MYRIP: variants seen among roughly 807,000 people sequenced by gnomAD.
The protein encoded by MYRIP is myosin VIIA and Rab interacting protein.
A neutral mutation model predicts 98.0 loss-of-function variants in MYRIP; 49 were observed. The observed-to-expected ratio is 0.50, with a 90% CI of 0.40 to 0.63. The LOEUF (loss-of-function observed/expected upper bound fraction) is 0.63, where lower values mean the gene tolerates loss of function less well. MYRIP is among the 30% of genes least tolerant of loss of function. MYRIP has a pLI of 0.00. For synonymous variants in MYRIP, 404 were observed against 409.5 expected (o/e 0.99, Z 0.16); for missense variants, 1,004 against 1,058.2 (o/e 0.95, Z 0.71).
At chr3:40,229,323 G>A (rs1484770777) in intron 11 of MYRIP, among the ~76,000 whole-genome samples, 1 of 152,058 alleles carries the variant, frequency 6.6e-6, no homozygotes, top group African/African-American at 2.4e-5. Context: ...TGGGTCCTGA[G>A]ACAAAAAAAT....
chr3:40,196,701 T>C (rs2125639889), intron 10 of MYRIP, among the ~76,000 whole-genome samples: 1 of 152,218 alleles, frequency 6.6e-6, no homozygotes, highest in East Asian at 1.9e-4. Flanking sequence ...AAACTGCATG[T>C]GTATGTATGC....
chr3:40,164,159 C>A (rs2125591535), intron 5 of MYRIP, among the ~76,000 whole-genome samples: 1 of 152,276 alleles, frequency 6.6e-6, no homozygotes, highest in African/African-American at 2.4e-5. Context: ...CTCATTTCCC[C>A]ACAGCTACCC....
At chr3:40,017,955 T>C (rs1946905946) in intron 2 of MYRIP, among the ~76,000 whole-genome samples, 1 of 152,194 alleles carries the variant, frequency 6.6e-6, no homozygotes, top group African/African-American at 2.4e-5. Flanking sequence ...TGCATTTTCA[T>C]TGTGAACAGG....
chr3:39,863,883 A>G (rs1942544778), intron 1 of MYRIP, among the ~76,000 whole-genome samples: 1 of 152,092 alleles, frequency 6.6e-6, no homozygotes, highest in Non-Finnish European at 1.5e-5. Flanking sequence ...TGATGATCAT[A>G]GATGCAAAAA....
chr3:40,078,065 C>T (rs1948390444), intron 3 of MYRIP, among the ~76,000 whole-genome samples: 1 of 152,262 alleles, frequency 6.6e-6, no homozygotes, highest in Non-Finnish European at 1.5e-5. Flanking sequence ...GTCCCGAGCC[C>T]TGCCCCGCGG....
At chr3:40,098,235 A>C (rs1434691257) in intron 3 of MYRIP, among the ~76,000 whole-genome samples, 1 of 152,152 alleles carries the variant, frequency 6.6e-6, no homozygotes, top group Non-Finnish European at 1.5e-5. Context: ...ATTTCTTTCC[A>C]TTTTTTAAGA....
chr3:40,115,875 G>A (rs1175078835), intron 3 of MYRIP, among the ~76,000 whole-genome samples: 2 of 151,758 alleles, frequency 1.3e-5, no homozygotes, highest in Non-Finnish European at 2.9e-5. Context: ...TCTCCAAGTG[G>A]GCTTCCGTAA....
In MYRIP at chr3:40,014,813, T is replaced by A. The variant is rs556692469; in HGVS notation, c.111-29237T>A. Among the ~76,000 whole-genome samples, 23 of 152,292 alleles carry A rather than the reference T, an allele frequency of 1.5e-4. No individual in the cohort carries two copies. The South Asian group carries it at 1.9e-3, about 12-fold the overall frequency. On this transcript the variant is annotated intron_variant, in intron 2 of 16. Transcript: ENST00000302541. The stretch of plus-strand genomic sequence containing the variant: ...TGAATCAGGAAAATTTACATAAAAA[T>A]TTAATTGGGAGCTTTTATTGAGAAA...
chr3:39,853,793 A>G (rs1466541042), intron 1 of MYRIP, among the ~76,000 whole-genome samples: 1 of 150,650 alleles, frequency 6.6e-6, no homozygotes, highest in Non-Finnish European at 1.5e-5. Flanking sequence ...TTTTTGTTGC[A>G]TTTGCTTTTG....
intron 2 of MYRIP, among the ~76,000 whole-genome samples, chr3:39,915,559 G>A (rs1363020183): frequency 6.6e-6 from 1 of 151,918 alleles, no homozygotes; most frequent in Admixed American, 6.6e-5. Flanking sequence ...TCAACCAAGA[G>A]ATTTTATTTA....
chr3:39,903,513 G>A (rs1340252903), intron 2 of MYRIP, among the ~76,000 whole-genome samples: 7 of 152,180 alleles, frequency 4.6e-5, no homozygotes, highest in South Asian at 2.1e-4. Context: ...CAGTTCAGAC[G>A]TTAAGTGTAA....
chr3:39,869,835 A>C (rs1942731836), intron 1 of MYRIP, among the ~76,000 whole-genome samples: 1 of 152,202 alleles, frequency 6.6e-6, no homozygotes, highest in Admixed American at 6.5e-5. Flanking sequence ...GGAAGCAAAG[A>C]CTAACAATGT....
intron 1 of MYRIP, among the ~76,000 whole-genome samples, chr3:39,818,423 T>C (rs1940992304): frequency 6.6e-6 from 1 of 152,146 alleles, no homozygotes; most frequent in Non-Finnish European, 1.5e-5. Flanking sequence ...TATCTGCATA[T>C]TTATTGGCTC....
chr3:39,913,159 C>G (rs1209356284), intron 2 of MYRIP, among the ~76,000 whole-genome samples: 4 of 151,842 alleles, frequency 2.6e-5, no homozygotes, highest in Non-Finnish European at 5.9e-5. Flanking sequence ...AGAGTCATGC[C>G]TCAGGGATAC....
intron 1 of MYRIP, among the ~76,000 whole-genome samples, chr3:39,844,030 C>G (rs114668697): frequency 0.016 from 2,430 of 152,284 alleles, 57 homozygotes; most frequent in African/African-American, 0.055. Flanking sequence ...GTCATCTTGT[C>G]TACTTGATTA....
rs386396419 is a variant in MYRIP, at chr3:40,129,440, C to CA, written c.333-21572dup. Among the ~76,000 whole-genome samples, 268 of 29,370 alleles carry CA rather than the reference C, an allele frequency of 9.1e-3. 75 individuals are homozygous for CA. Among genetic ancestry groups the CA allele is most frequent in the African/African-American group, 0.012 (89 of 7,448 alleles). The allele number at this position is 29,370 out of a possible 152,430, so 19.3% of individuals were successfully genotyped here. A position where few individuals can be genotyped will look rare whatever the true frequency, so the allele number is the denominator to read the frequency against. On this transcript the variant is annotated intron_variant, in intron 3 of 16. Transcript: ENST00000302541. ...TGGGCGACAGAGTGAGACTCTGTCT[C>CA]AAAAAAAAAAAAAAAAAAAAAAAAA...
At chr3:39,969,632 G>C (rs761885701) in intron 2 of MYRIP, among the ~76,000 whole-genome samples, 4 of 152,090 alleles carry the variant, frequency 2.6e-5, no homozygotes, top group Non-Finnish European at 5.9e-5. Flanking sequence ...ATGTAATGAT[G>C]TGCATATGTT....
At chr3:40,078,430 G>T (rs1346321002) in intron 3 of MYRIP, among the ~76,000 whole-genome samples, 2 of 152,248 alleles carry the variant, frequency 1.3e-5, no homozygotes, top group Admixed American at 6.5e-5. Flanking sequence ...GGCAGAGGAG[G>T]CACCTAGAGC....
chr3:39,812,820 A>G (rs1243346004), intron 1 of MYRIP, among the ~76,000 whole-genome samples: 1 of 152,246 alleles, frequency 6.6e-6, no homozygotes, highest in Non-Finnish European at 1.5e-5. Flanking sequence ...ATAAAATCCA[A>G]CAATCCAACA....
Sources: gnomAD v4.1 joint callset for allele counts (sites outside exome capture counted in the v4.1 genomes callset) on GRCh38, gnomAD v4.1.1 for gene constraint, MANE v1.5 for transcripts, NCBI Gene and HGNC (gene_info 2026-07-23, HGNC 2026-07-21) for gene names.